NUDT4: variants seen among roughly 807,000 people sequenced by gnomAD.
NUDT4 encodes nudix hydrolase 4.
In NUDT4, 5 loss-of-function variants were observed where a neutral mutation model predicts 23.1. The observed-to-expected ratio is 0.22, with a 90% confidence interval of 0.11 to 0.46. The LOEUF is 0.46. Ranked by LOEUF, NUDT4 falls within the 20% of genes least tolerant of loss-of-function variation. The probability of loss-of-function intolerance (pLI) is 0.99; values close to 1 mark genes in which losing one functional copy is unlikely to be tolerated. For synonymous variants in NUDT4, 50 were observed against 79.0 expected (o/e 0.63, Z 1.95); for missense variants, 96 against 211.6 (o/e 0.45, Z 3.39).
chr12:93,388,996 A>G lies in NUDT4; in HGVS notation c.100-5613A>G, dbSNP rs150481386. Among the ~76,000 whole-genome samples the G allele has an allele frequency of 1.6e-4, 25 of 152,340 alleles. No homozygotes were observed. In the East Asian group the frequency reaches 4.0e-3, roughly 25 times the overall value. On this transcript the variant is annotated intron_variant, in intron 1 of 4. Transcript: ENST00000415493. ...CAGATCAAGGGCCCAGAGGAGCCCA[A>G]TTCTATCTGCAGGTTTGTCAATTTA...
At chr12:93,382,014 T>C (rs1348990765) in intron 1 of NUDT4, among the ~76,000 whole-genome samples, 1 of 152,146 alleles carries the variant, frequency 6.6e-6, no homozygotes, top group Admixed American at 6.5e-5. Flanking sequence ...CCCAGCACTT[T>C]GGGAGGCGGA....
intron 1 of NUDT4, among the ~76,000 whole-genome samples, chr12:93,393,461 C>T (rs939574015): frequency 6.6e-6 from 1 of 152,012 alleles, no homozygotes; most frequent in Non-Finnish European, 1.5e-5. Context: ...AATTAAGGGC[C>T]AGACAAACAT....
rs761265292 is a variant in NUDT4, at chr12:93,398,869, T to C, written c.340+14T>C. On this transcript the variant is annotated intron_variant, in intron 4 of 4. Coordinates refer to ENST00000415493, the MANE Select transcript of NUDT4 (RefSeq NM_019094.6). ...CTGTTAATATTGGTAAGTTCCCTTT[T>C]GTTATCTGAATACTCTGTTCTAACA... 1 of 1,442,092 alleles carries C rather than the reference T, an allele frequency of 6.9e-7. No homozygotes were observed. The highest frequency in any genetic ancestry group is 1.2e-5 in the South Asian group (1 of 86,808). The allele number at this position is 1,442,092 out of a possible 1,614,324, so 89.3% of individuals were successfully genotyped here. A position where few individuals can be genotyped will look rare whatever the true frequency, so the allele number is the denominator to read the frequency against.
rs1877764160 is a variant in NUDT4, at chr12:93,405,588, A to G, written c.*6209A>G. 1 of 150,526 alleles carries G rather than the reference A, an allele frequency of 6.6e-6. No homozygotes were observed. The highest frequency in any genetic ancestry group is 2.5e-5 in the African/African-American group (1 of 40,632). 9.3% of individuals were successfully genotyped at this position (150,526 alleles called of 1,614,324 possible). A position where few individuals can be genotyped will look rare whatever the true frequency, so the allele number is the denominator to read the frequency against. ...GCAGCTAATGGCAAGTTAGTACCAT[A>G]AAGCCAACTCTTGGAATATACCTGA... On this transcript the variant is annotated 3_prime_UTR_variant, in exon 5 of 5. Transcript: ENST00000415493.
Position 93,404,549 on chromosome 12 carries a change from G to A in NUDT4, c.*5170G>A, listed in dbSNP as rs1360323143. 6.6e-6 allele frequency: 1 copy of A among 152,130 alleles called. No homozygotes were observed. The highest frequency in any genetic ancestry group is 2.4e-5 in the African/African-American group (1 of 41,410). The allele number at this position is 152,130 out of a possible 1,614,324, so 9.4% of individuals were successfully genotyped here. ...TGTGTGTTGTAGGATTTATGAAACT[G>A]GTACCAATTTAATATTCAAATGTGA... On this transcript the variant is annotated 3_prime_UTR_variant, in exon 5 of 5. Transcript: ENST00000415493.
chr12:93,385,966 T>C lies in NUDT4; in HGVS notation c.99+7545T>C, dbSNP rs866433748. Among the ~76,000 whole-genome samples the C allele has an allele frequency of 7.6e-5, 10 of 131,776 alleles. 1 individual carries two copies. The highest frequency in any genetic ancestry group is 3.0e-4 in the African/African-American group (10 of 33,846). The allele number at this position is 131,776 out of a possible 152,430, so 86.5% of individuals were successfully genotyped here. On this transcript the variant is annotated intron_variant, in intron 1 of 4. Transcript: ENST00000415493. ...TTATATATATATATATATATATATA[T>C]ATATACATAATTTTTTTTTTCTTTT... is the stretch of plus-strand genomic sequence containing the variant.
chr12:93,395,412 AG>A, intron 2 of NUDT4, 76 bp from the exon 3 acceptor site: 1 of 1,011,754 alleles, frequency 9.9e-7, no homozygotes, highest in Non-Finnish European at 1.5e-6. Context: ...TTAAGTAAAT[AG>A]CCAGAGTGTA....
intron 3 of NUDT4, among the ~76,000 whole-genome samples, chr12:93,397,771 C>T (rs1877040647): frequency 1.3e-5 from 2 of 152,078 alleles, no homozygotes; most frequent in South Asian, 2.1e-4. Flanking sequence ...GTGATCTGCC[C>T]GCCTTGGCCT....
chr12:93,391,399 T>C (rs1296717253), intron 1 of NUDT4, among the ~76,000 whole-genome samples: 3 of 151,914 alleles, frequency 2.0e-5, no homozygotes, highest in African/African-American at 7.2e-5. Context: ...ACCCCATCTC[T>C]ACTCAAAATA....
intron 4 of NUDT4, 43 bp downstream of exon 4, chr12:93,398,898 G>T: frequency 3.2e-6 from 4 of 1,256,234 alleles, no homozygotes; most frequent in Non-Finnish European, 4.6e-6. Context: ...TCTAACAGAA[G>T]ATTGGGAAGA....
intron 1 of NUDT4, among the ~76,000 whole-genome samples, chr12:93,386,580 A>G (rs1464260166): frequency 5.1e-5 from 7 of 136,312 alleles, no homozygotes; most frequent in African/African-American, 2.2e-4. Context: ...ACCCTGTTTC[A>G]AAAAAAAAAA....
chr12:93,395,913 G>A (rs993272269), intron 3 of NUDT4, among the ~76,000 whole-genome samples: 10 of 152,080 alleles, frequency 6.6e-5, no homozygotes, highest in African/African-American at 2.4e-4. Context: ...TAGAGATGGG[G>A]TTTCACCATG....
chr12:93,380,718 ACT>A (rs1178999341), intron 1 of NUDT4, among the ~76,000 whole-genome samples: 5 of 152,096 alleles, frequency 3.3e-5, no homozygotes, highest in African/African-American at 4.8e-5. Flanking sequence ...TACAGAATAA[ACT>A]CTGTTAGCTT....
Position 93,398,804 on chromosome 12 carries a change from G to A in NUDT4, c.289G>A (p.Val97Ile). 6.2e-7 allele frequency: 1 copy of A among 1,607,132 alleles called. No homozygotes were observed. ...QDRKHRTYVY[V>I]LTVTEILEDW... ...CCGAAAGCACAGAACATATGTTTATGTTCTAACAGTCACTGAAATATTAGA... is the reference window on the plus strand; with the variant it reads ...CCGAAAGCACAGAACATATGTTTATATTCTAACAGTCACTGAAATATTAGA... The change falls in exon 4 of 5, where the codon GTT becomes ATT. Residue 97 changes from valine (V) to isoleucine (I), a missense_variant. Physicochemically the swap from Val to Ile is conservative, Grantham distance 29 (BLOSUM62 3). Coordinates refer to ENST00000415493, the MANE Select transcript of NUDT4 (RefSeq NM_019094.6).
Position 93,394,666 on chromosome 12 carries a change from A to T in NUDT4, c.157A>T (p.Met53Leu), listed in dbSNP as rs148844520. ...CCAGTGGATTGTCCCAGGAGGAGGA[A>T]TGGAACCCGAGGAGGAACCTGGCGG... ...PDQWIVPGGG[M>L]EPEEEPGGAA... Residue 53 changes from methionine to leucine, a missense_variant, in exon 2 of 5, where the codon ATG (methionine) becomes TTG (leucine). Physicochemically the swap from Met to Leu is conservative, Grantham distance 15 (BLOSUM62 2). Coordinates refer to ENST00000415493, the MANE Select transcript of NUDT4 (RefSeq NM_019094.6). 7.7e-6 allele frequency: 12 copies of T among 1,555,880 alleles called. No homozygotes were observed. Among genetic ancestry groups the T allele is most frequent in the Non-Finnish European group, 8.7e-6 (10 of 1,149,416 alleles).
intron 1 of NUDT4, 139 bp downstream of exon 1, chr12:93,378,560 T>G (rs1875380660): frequency 7.6e-7 from 1 of 1,307,918 alleles, no homozygotes; most frequent in South Asian, 2.0e-5. Context: ...CTTTCCTCCC[T>G]CACTCCTTTC....
At chr12:93,378,589 C>T (rs1275507937) in intron 1 of NUDT4, 168 bp downstream of exon 1, 1 of 1,292,590 alleles carries the variant, frequency 7.7e-7, no homozygotes, top group Non-Finnish European at 9.9e-7. Context: ...CTTCTTCCTT[C>T]CTTTCTCTGG....
rs1421511320 is a variant in NUDT4, at chr12:93,406,930, G to A, written c.*7551G>A. The A allele has an allele frequency of 6.6e-6, 1 of 152,184 alleles. No individual in the cohort carries two copies. Among genetic ancestry groups the A allele is most frequent in the Non-Finnish European group, 1.5e-5 (1 of 68,040 alleles). 9.4% of individuals were successfully genotyped at this position (152,184 alleles called of 1,614,324 possible). ...AGGATAACTAGAGCAGAAGCAAATC[G>A]CAGCGAAGTAGACTACAACAATCAA... On this transcript the variant is annotated 3_prime_UTR_variant, in exon 5 of 5. Coordinates refer to ENST00000415493, the MANE Select transcript of NUDT4 (RefSeq NM_019094.6).
At chr12:93,396,993 T>C (rs1876982921) in intron 3 of NUDT4, among the ~76,000 whole-genome samples, 1 of 152,224 alleles carries the variant, frequency 6.6e-6, no homozygotes, top group African/African-American at 2.4e-5. Context: ...TTTTTACAAA[T>C]AACACATTTG....
Sources: gnomAD v4.1 joint callset for allele counts (sites outside exome capture counted in the v4.1 genomes callset) on GRCh38, gnomAD v4.1.1 for gene constraint, MANE v1.5 for transcripts, NCBI Gene and HGNC (gene_info 2026-07-23, HGNC 2026-07-21) for gene names.